The following VPS13B variants were observed in gnomAD, a reference collection of about 807,000 sequenced individuals.
The protein encoded by VPS13B is intermembrane lipid transfer protein VPS13B.
A neutral mutation model predicts 426.4 loss-of-function variants in VPS13B; 285 were observed. That is an observed-to-expected ratio of 0.67 (90% confidence interval 0.61 to 0.74). The LOEUF (loss-of-function observed/expected upper bound fraction) is 0.74. Ranked by LOEUF, VPS13B falls within the 30% of genes least tolerant of loss-of-function variation. The pLI, the probability that VPS13B is intolerant of heterozygous loss-of-function variation, is 0.00. For synonymous variants in VPS13B, 1,676 were observed against 1,676.4 expected (o/e 1.00, Z 0.01); for missense variants, 4,537 against 4,782.6 (o/e 0.95, Z 1.51).
intron 17 of VPS13B, among the ~76,000 whole-genome samples, chr8:99,246,729 G>T (rs534026102): frequency 2.0e-5 from 3 of 152,042 alleles, no homozygotes; most frequent in Non-Finnish European, 4.4e-5. Context: ...AGCTGGGCCT[G>T]GTAGCATGTG....
At chr8:99,437,066 T>C (rs1817419269) in intron 22 of VPS13B, among the ~76,000 whole-genome samples, 1 of 152,122 alleles carries the variant, frequency 6.6e-6, no homozygotes, top group Non-Finnish European at 1.5e-5. Context: ...AGATGTTTTA[T>C]GAGCCAAAAT....
In VPS13B at chr8:99,869,694, C is replaced by G. The variant is rs138091634; in HGVS notation, c.11393-1091C>G. Among the ~76,000 whole-genome samples, 333 of 152,326 alleles carry G rather than the reference C, an allele frequency of 2.2e-3. 13 individuals carry two copies. In the East Asian group the frequency reaches 0.051, roughly 23 times the overall value. Reference sequence around the variant, plus strand: ...TTTGGTTTTGAAAATGCCATTGTCCCTCACCGTGTTTCCCAGGGCTGAAGA... The same window carrying G: ...TTTGGTTTTGAAAATGCCATTGTCCGTCACCGTGTTTCCCAGGGCTGAAGA... On this transcript the variant is annotated intron_variant, in intron 59 of 61. Transcript: ENST00000357162.
At chr8:99,298,736 C>T (rs902657424) in intron 19 of VPS13B, among the ~76,000 whole-genome samples, 3 of 152,166 alleles carry the variant, frequency 2.0e-5, no homozygotes, top group East Asian at 1.9e-4. Context: ...GTCAGGCAAA[C>T]CTGTTTTCAG....
intron 19 of VPS13B, among the ~76,000 whole-genome samples, chr8:99,282,707 A>T (rs373671096): frequency 6.6e-5 from 10 of 152,194 alleles, no homozygotes; most frequent in African/African-American, 2.4e-4. Context: ...TAAGAAAAAT[A>T]GATTTATGTG....
rs527338345 is a variant in VPS13B, at chr8:99,607,314, G to A, written c.5220+29681G>A. 2.0e-5 allele frequency among the ~76,000 whole-genome samples: 3 copies of A among 152,258 alleles called. No homozygotes were observed. In the South Asian group the frequency reaches 6.2e-4, roughly 32 times the overall value. On this transcript the variant is annotated intron_variant, in intron 33 of 61. Transcript: ENST00000357162. ...GTCTAGAGAGATAATCTGGATAGAT[G>A]GAGCCCAAGATTAATGACCAATGGT...
chr8:99,686,364 C>A (rs1831400476), intron 35 of VPS13B, among the ~76,000 whole-genome samples: 1 of 150,770 alleles, frequency 6.6e-6, no homozygotes, highest in Non-Finnish European at 1.5e-5. Flanking sequence ...TAACCCCTGC[C>A]TGGCTATCCG....
intron 21 of VPS13B, among the ~76,000 whole-genome samples, chr8:99,431,245 C>G (rs968028636): frequency 6.6e-6 from 1 of 152,102 alleles, no homozygotes; most frequent in Non-Finnish European, 1.5e-5. Flanking sequence ...TGAATACTTG[C>G]ATGTAATTAA....
chr8:99,705,080 T>A (rs759829673), intron 36 of VPS13B, among the ~76,000 whole-genome samples: 14 of 152,086 alleles, frequency 9.2e-5, no homozygotes, highest in Non-Finnish European at 2.9e-5. Flanking sequence ...TTAATCCTGG[T>A]CAGATTCCCT....
chr8:99,392,244 T>G (rs1279506080), intron 21 of VPS13B, among the ~76,000 whole-genome samples: 1 of 152,112 alleles, frequency 6.6e-6, no homozygotes, highest in Non-Finnish European at 1.5e-5. Context: ...TCTCTCATAC[T>G]CTCTGCTAGA....
chr8:99,707,673 G>T (rs1832544165), intron 36 of VPS13B, among the ~76,000 whole-genome samples: 2 of 152,084 alleles, frequency 1.3e-5, no homozygotes, highest in Admixed American at 1.3e-4. Flanking sequence ...AGGTTCTTAG[G>T]AATACTAAAA....
chr8:99,653,657 T>C (rs1229188008), intron 34 of VPS13B, among the ~76,000 whole-genome samples: 1 of 152,204 alleles, frequency 6.6e-6, no homozygotes, highest in African/African-American at 2.4e-5. Context: ...TATTATCTGC[T>C]GGTTATACTT....
At chr8:99,032,241 A>G (rs1424729031) in intron 2 of VPS13B, among the ~76,000 whole-genome samples, 2 of 152,106 alleles carry the variant, frequency 1.3e-5, no homozygotes, top group Admixed American at 6.5e-5. Context: ...TTGTTCTCCC[A>G]TAGACACTAA....
At chr8:99,488,230 T>C (rs1405404476) in intron 25 of VPS13B, among the ~76,000 whole-genome samples, 1 of 152,176 alleles carries the variant, frequency 6.6e-6, no homozygotes, top group Admixed American at 6.5e-5. Context: ...ATAGTAGCAC[T>C]TAATATTATC....
At chr8:99,026,890 G>A (rs372529246) in intron 2 of VPS13B, among the ~76,000 whole-genome samples, 3 of 150,178 alleles carry the variant, frequency 2.0e-5, no homozygotes, top group East Asian at 1.9e-4. Flanking sequence ...TTTTTCCCCC[G>A]CTCCGAGACG....
intron 39 of VPS13B, among the ~76,000 whole-genome samples, chr8:99,752,879 G>T (rs1810468163): frequency 6.6e-6 from 1 of 152,270 alleles, no homozygotes; most frequent in South Asian, 2.1e-4. Context: ...TAAGTGTTTG[G>T]TTTATGAGCA....
intron 8 of VPS13B, among the ~76,000 whole-genome samples, chr8:99,133,019 A>G (rs1397776441): frequency 6.6e-6 from 1 of 152,242 alleles, no homozygotes; most frequent in Non-Finnish European, 1.5e-5. Context: ...GTTAGCCCCT[A>G]ACAAGAGCAT....
intron 2 of VPS13B, among the ~76,000 whole-genome samples, chr8:99,029,341 C>A (rs1337462489): frequency 6.6e-6 from 1 of 151,714 alleles, no homozygotes; most frequent in African/African-American, 2.4e-5. Flanking sequence ...GATGGGCGGC[C>A]AGGCAGAGAC....
chr8:99,318,380 T>G, intron 19 of VPS13B, among the ~76,000 whole-genome samples: 1 of 151,914 alleles, frequency 6.6e-6, no homozygotes, highest in African/African-American at 2.4e-5. Flanking sequence ...CTCTTTATGG[T>G]ACTTCCAGTT....
At chr8:99,411,622 T>C (rs1238131414) in intron 21 of VPS13B, among the ~76,000 whole-genome samples, 2 of 152,098 alleles carry the variant, frequency 1.3e-5, no homozygotes, top group Non-Finnish European at 2.9e-5. Flanking sequence ...GTGTTTTAGT[T>C]ATGAAGTCTT....
Sources: allele counts gnomAD v4.1 joint callset (sites outside exome capture counted in the v4.1 genomes callset), GRCh38; gene constraint gnomAD v4.1.1; transcripts MANE v1.5; gene names NCBI Gene and HGNC (gene_info 2026-07-23, HGNC 2026-07-21).